BANK1: variants seen among roughly 807,000 people sequenced by gnomAD.
BANK1 encodes the protein B-cell scaffold protein with ankyrin repeats.
BANK1 carries 95 observed loss-of-function variants against 94.5 expected under a neutral mutation model. That is an observed-to-expected ratio of 1.00 (90% CI 0.85 to 1.19). The LOEUF is 1.19. BANK1 is among the 50% of genes most tolerant of loss of function. The probability of loss-of-function intolerance (pLI) is 0.00; values close to 1 mark genes in which losing one functional copy is unlikely to be tolerated. For synonymous variants in BANK1, 334 were observed against 308.4 expected, an observed-to-expected ratio of 1.08 and a Z score of -0.87; for missense variants, 987 against 932.2, an observed-to-expected ratio of 1.06 and a Z score of -0.77.
At chr4:101,869,507 C>T (rs1047178742) in intron 4 of BANK1, among the ~76,000 whole-genome samples, 13 of 151,866 alleles carry the variant, frequency 8.6e-5, no homozygotes, top group Non-Finnish European at 8.8e-5. Context: ...AATTTCAGCT[C>T]CTTGACCTAG....
chr4:101,950,674 C>T (rs1187843075), intron 7 of BANK1, among the ~76,000 whole-genome samples: 3 of 152,188 alleles, frequency 2.0e-5, no homozygotes, highest in African/African-American at 7.2e-5. Context: ...TACATAATGA[C>T]TTCCTTTCAA....
chr4:101,961,915 G>A (rs527418620), intron 7 of BANK1, among the ~76,000 whole-genome samples: 2 of 152,254 alleles, frequency 1.3e-5, no homozygotes, highest in East Asian at 3.9e-4. Flanking sequence ...AAATGTTTAG[G>A]TAGGCCTGTA....
chr4:101,798,284 G>A (rs2148849148), intron 1 of BANK1, among the ~76,000 whole-genome samples: 1 of 152,292 alleles, frequency 6.6e-6, no homozygotes, highest in African/African-American at 2.4e-5. Context: ...ATAAGCAGCT[G>A]AAGATGTGGC....
chr4:101,938,455 A>G (rs1271463496), intron 7 of BANK1, among the ~76,000 whole-genome samples: 2 of 151,664 alleles, frequency 1.3e-5, no homozygotes, highest in Non-Finnish European at 3.0e-5. Flanking sequence ...TATAACTGGA[A>G]TGTTTATAAC....
chr4:101,817,859 T>C (rs1358305937), intron 1 of BANK1, among the ~76,000 whole-genome samples: 2 of 151,850 alleles, frequency 1.3e-5, no homozygotes, highest in Non-Finnish European at 1.5e-5. Flanking sequence ...TTTTTTTAGC[T>C]CATCAGCTGT....
intron 7 of BANK1, among the ~76,000 whole-genome samples, chr4:101,952,803 T>G (rs1211752066): frequency 1.3e-5 from 2 of 152,148 alleles, no homozygotes; most frequent in Non-Finnish European, 2.9e-5. Flanking sequence ...AAGTAGATTT[T>G]CAAATCCAAG....
At chr4:101,978,534 G>T (rs1222400367) in intron 7 of BANK1, among the ~76,000 whole-genome samples, 1 of 151,904 alleles carries the variant, frequency 6.6e-6, no homozygotes, top group Non-Finnish European at 1.5e-5. Flanking sequence ...TAATTACCAG[G>T]CATTCTTAAT....
intron 1 of BANK1, among the ~76,000 whole-genome samples, chr4:101,828,135 T>C (rs1726434877): frequency 8.8e-6 from 1 of 113,388 alleles, no homozygotes; most frequent in Admixed American, 8.7e-5. Flanking sequence ...AGAATTAATA[T>C]TTACTTCATT....
Position 102,030,095 on chromosome 4 carries a change from C to T in BANK1, c.1730C>T (p.Pro577Leu), listed in dbSNP as rs148253978. ...AAAGAGCAGGAGGAGGAAGAAGACC[C>T]ATATACTTTTGCTGAGATTGATGAC... ...EEKEQEEEED[P>L]YTFAEIDDSE... The change falls in exon 10 of 17, where the codon CCA becomes CTA. Residue 577 changes from proline (P) to leucine (L), a missense_variant. Pro to Leu is a moderately conservative substitution (Grantham distance 98). Transcript: ENST00000322953. 1.3e-4 allele frequency: 216 copies of T among 1,613,898 alleles called. No homozygotes were observed. The African/African-American group carries it at 2.7e-3, about 20-fold the overall frequency.
At chr4:101,839,840 C>T (rs538503197) in intron 2 of BANK1, among the ~76,000 whole-genome samples, 1 of 146,148 alleles carries the variant, frequency 6.8e-6, no homozygotes, top group African/African-American at 2.5e-5. Flanking sequence ...GTTTCTTAGG[C>T]TTTCATAGCT....
At chr4:102,005,563 C>T (rs866579922) in intron 7 of BANK1, among the ~76,000 whole-genome samples, 2 of 152,032 alleles carry the variant, frequency 1.3e-5, no homozygotes, top group Admixed American at 6.5e-5. Flanking sequence ...AACTGGTTAG[C>T]GCATTGTTAG....
intron 2 of BANK1, among the ~76,000 whole-genome samples, chr4:101,832,860 C>A (rs1456947136): frequency 6.6e-6 from 1 of 151,822 alleles, no homozygotes; most frequent in Non-Finnish European, 1.5e-5. Flanking sequence ...TCCTCCCTCC[C>A]TCCCTTCCTT....
chr4:102,013,950 T>C (rs560808362), intron 7 of BANK1, among the ~76,000 whole-genome samples: 224 of 152,244 alleles, frequency 1.5e-3, no homozygotes, highest in Non-Finnish European at 2.1e-3. Context: ...ATAGGTCTTA[T>C]TTAATTTTCA....
At chr4:101,895,727 C>T (rs1350095759) in intron 6 of BANK1, among the ~76,000 whole-genome samples, 1 of 151,536 alleles carries the variant, frequency 6.6e-6, no homozygotes, top group Non-Finnish European at 1.5e-5. Context: ...TTTATAATAA[C>T]CAAAAAGTGG....
chr4:101,856,089 G>A (rs994496720), intron 3 of BANK1, among the ~76,000 whole-genome samples: 1 of 152,190 alleles, frequency 6.6e-6, no homozygotes, highest in Non-Finnish European at 1.5e-5. Context: ...AGAAGCCAGT[G>A]ACAGGGGCTC....
chr4:101,810,954 G>A (rs1725714955), intron 1 of BANK1, among the ~76,000 whole-genome samples: 1 of 152,130 alleles, frequency 6.6e-6, no homozygotes, highest in South Asian at 2.1e-4. Flanking sequence ...CTGGTCACCA[G>A]GTCTTAAACC....
At chr4:101,944,133 C>T (rs544729759) in intron 7 of BANK1, among the ~76,000 whole-genome samples, 49 of 151,638 alleles carry the variant, frequency 3.2e-4, no homozygotes, top group African/African-American at 1.1e-3. Context: ...TGATTTAATA[C>T]TCCTCAGTAA....
intron 7 of BANK1, among the ~76,000 whole-genome samples, chr4:101,945,379 A>G (rs116471617): frequency 0.02 from 3,019 of 152,050 alleles, 111 homozygotes; most frequent in African/African-American, 0.07. Context: ...CATCCTTGCT[A>G]TGTTCCAGGA....
chr4:102,026,633 A>G (rs1727106573), intron 9 of BANK1, among the ~76,000 whole-genome samples: 1 of 152,092 alleles, frequency 6.6e-6, no homozygotes. Flanking sequence ...GTTCGAGACC[A>G]GTCTGACCAA....
Sources: allele counts gnomAD v4.1 joint callset (sites outside exome capture counted in the v4.1 genomes callset), GRCh38; gene constraint gnomAD v4.1.1; transcripts MANE v1.5; gene names NCBI Gene and HGNC (gene_info 2026-07-23, HGNC 2026-07-21).